The following EDEM3 variants were observed in gnomAD, a reference collection of about 807,000 sequenced individuals.
EDEM3 encodes ER degradation enhancing alpha-mannosidase like protein 3.
Under a neutral mutation model 110.2 loss-of-function variants are expected in EDEM3, and 60 were observed. The ratio of observed to expected loss-of-function variants is 0.54; its 90% CI spans 0.44 to 0.67. EDEM3 has a LOEUF of 0.67. EDEM3 is among the 30% of genes least tolerant of loss of function. The probability of loss-of-function intolerance (pLI) is 0.00; values close to 1 mark genes in which losing one functional copy is unlikely to be tolerated. For missense variants in EDEM3, 996 were observed against 1,121.0 expected (o/e 0.89, Z 1.59); for synonymous variants, 352 against 382.9 (o/e 0.92, Z 0.94).
chr1:184,741,168 TGG>T (rs923425008), intron 2 of EDEM3, among the ~76,000 whole-genome samples: 11 of 152,072 alleles, frequency 7.2e-5, no homozygotes, highest in Admixed American at 6.5e-5. Context: ...GAGGCCAAGG[TGG>T]GTGAGTCACC....
chr1:184,694,337 G>T lies in EDEM3; in HGVS notation c.2525C>A (p.Ser842Tyr). ...QESSEENSLNSHPESLSLADM... is the reference protein window; with the variant it reads ...QESSEENSLNYHPESLSLADM... Reference sequence around the variant, plus strand: ...TGCTAGAGATAATGATTCTGGGTGAGAATTTAGAGAATTTTCCTCAGAAGA... The same window carrying T: ...TGCTAGAGATAATGATTCTGGGTGATAATTTAGAGAATTTTCCTCAGAAGA... The change falls in exon 20 of 20, where the codon TCT becomes TAT. Residue 842 changes from serine to tyrosine, a missense_variant. By Grantham distance (144) the Ser-to-Tyr change is moderately radical. Coordinates refer to ENST00000318130, the MANE Select transcript of EDEM3 (RefSeq NM_025191.4). 2 of 1,612,912 alleles carry T rather than the reference G, an allele frequency of 1.2e-6. No individual in the cohort carries two copies. The highest frequency in any genetic ancestry group is 1.1e-5 in the South Asian group (1 of 91,042).
chr1:184,714,810 A>G (rs1650454248), intron 13 of EDEM3, among the ~76,000 whole-genome samples: 1 of 152,224 alleles, frequency 6.6e-6, no homozygotes, highest in South Asian at 2.1e-4. Context: ...TAAAAAAAAG[A>G]AAACTTGGCT....
intron 19 of EDEM3, among the ~76,000 whole-genome samples, chr1:184,700,466 C>G (rs1289486035): frequency 2.6e-5 from 4 of 151,930 alleles, no homozygotes; most frequent in Non-Finnish European, 5.9e-5. Flanking sequence ...ACAATATGGC[C>G]TGATACATAG....
At chr1:184,707,513 T>A (rs1007140002) in intron 17 of EDEM3, among the ~76,000 whole-genome samples, 1 of 152,186 alleles carries the variant, frequency 6.6e-6, no homozygotes, top group African/African-American at 2.4e-5. Flanking sequence ...AGCTTCTACA[T>A]AGTTTAAAAT....
chr1:184,718,428 C>T (rs1650675451), intron 11 of EDEM3, among the ~76,000 whole-genome samples: 1 of 152,058 alleles, frequency 6.6e-6, no homozygotes, highest in Non-Finnish European at 1.5e-5. Context: ...CTACAATGCA[C>T]AGTCCTACTC....
In EDEM3 at chr1:184,711,636, T is replaced by C. The variant is rs74134138; in HGVS notation, c.1691+87A>G. 5.0e-3 allele frequency: 6,383 copies of C among 1,267,138 alleles called. 223 individuals are homozygous for C. In the African/African-American group the frequency reaches 0.082, roughly 16 times the overall value. The allele number at this position is 1,267,138 out of a possible 1,614,324, so 78.5% of individuals were successfully genotyped here. A position where few individuals can be genotyped will look rare whatever the true frequency, so the allele number is the denominator to read the frequency against. ...ATTTTCGGCCTATGTGAATGTCTTC[T>C]TGGCTGTTGATACATGCTCCCTAAG... On this transcript the variant is annotated intron_variant, in intron 15 of 19. Coordinates refer to ENST00000318130, the MANE Select transcript of EDEM3 (RefSeq NM_025191.4).
intron 1 of EDEM3, among the ~76,000 whole-genome samples, chr1:184,751,388 A>G (rs1652758845): frequency 6.6e-6 from 1 of 152,152 alleles, no homozygotes; most frequent in Non-Finnish European, 1.5e-5. Flanking sequence ...CTAGACATGT[A>G]TATTACAAAT....
At chr1:184,704,675 A>AAAAAAAG (rs1649817751) in intron 18 of EDEM3, among the ~76,000 whole-genome samples, 1 of 147,700 alleles carries the variant, frequency 6.8e-6, no homozygotes, top group African/African-American at 2.6e-5. Flanking sequence ...AAAAAAAAAA[A>AAAAAAAG]AAAAATTTCT....
rs1009765801 is a variant in EDEM3, at chr1:184,701,900, A to AT, written c.2389+910dup. ...TATGCTAGCATGATTATCACCGAAC[A>AT]TTTTTTTTTAAATGTCCCACTTGGA... On this transcript the variant is annotated intron_variant, in intron 19 of 19. Coordinates refer to ENST00000318130, the MANE Select transcript of EDEM3 (RefSeq NM_025191.4). 1.8e-3 allele frequency among the ~76,000 whole-genome samples: 272 copies of AT among 151,496 alleles called. 1 individual carries two copies. The highest frequency in any genetic ancestry group is 6.0e-3 in the African/African-American group (249 of 41,352).
rs1425162640 is a variant in EDEM3 at position 184,696,155 on chromosome 1, T to C, written c.2390-1683A>G. Among the ~76,000 whole-genome samples the C allele has an allele frequency of 3.3e-5, 5 of 151,620 alleles. No individual in the cohort carries two copies. In the East Asian group the frequency reaches 9.7e-4, roughly 29 times the overall value. On this transcript the variant is annotated intron_variant, in intron 19 of 19. Coordinates refer to ENST00000318130, the MANE Select transcript of EDEM3 (RefSeq NM_025191.4). Reference sequence around the variant, plus strand: ...AAAAAAATGAGCCATCAGAGAAGAGTAGAGACAGGGGTCCTCACCACACCC... The same window carrying C: ...AAAAAAATGAGCCATCAGAGAAGAGCAGAGACAGGGGTCCTCACCACACCC...
chr1:184,702,383 A>G (rs1409659201), intron 19 of EDEM3, among the ~76,000 whole-genome samples: 1 of 152,220 alleles, frequency 6.6e-6, no homozygotes, highest in East Asian at 1.9e-4. Context: ...ATTTGATTAT[A>G]GGTGGCCTGT....
At chr1:184,706,062 T>C (rs1046129498) in intron 18 of EDEM3, among the ~76,000 whole-genome samples, 1 of 152,164 alleles carries the variant, frequency 6.6e-6, no homozygotes, top group African/African-American at 2.4e-5. Context: ...AAATTTTATA[T>C]ATCTTTAAAC....
At chr1:184,727,374 A>G (rs1217027298) in intron 6 of EDEM3, among the ~76,000 whole-genome samples, 1 of 152,222 alleles carries the variant, frequency 6.6e-6, no homozygotes, top group African/African-American at 2.4e-5. Context: ...CCAAATAACC[A>G]ACAAAAAAGG....
At chr1:184,722,137 T>C (rs2102090968) in intron 8 of EDEM3, among the ~76,000 whole-genome samples, 1 of 152,188 alleles carries the variant, frequency 6.6e-6, no homozygotes, top group East Asian at 1.9e-4. Flanking sequence ...ACATACATGC[T>C]GGTACGTTAC....
chr1:184,754,171 A>G (rs936827412), intron 1 of EDEM3, among the ~76,000 whole-genome samples: 1 of 152,214 alleles, frequency 6.6e-6, no homozygotes, highest in Admixed American at 6.5e-5. Flanking sequence ...GCAGAACTCC[A>G]GCGCGCAGCG....
chr1:184,747,118 T>C (rs1652474828), intron 2 of EDEM3, among the ~76,000 whole-genome samples: 1 of 151,800 alleles, frequency 6.6e-6, no homozygotes, highest in African/African-American at 2.4e-5. Flanking sequence ...GCACAAGACA[T>C]ATAAAAAAGG....
chr1:184,695,646 A>G (rs1478883812), intron 19 of EDEM3, among the ~76,000 whole-genome samples: 1 of 152,014 alleles, frequency 6.6e-6, no homozygotes, highest in Non-Finnish European at 1.5e-5. Flanking sequence ...TTCTTCTTGA[A>G]TATTTCCTAT....
chr1:184,754,858 C>T lies in EDEM3; in HGVS notation c.-212G>A. 1.3e-6 allele frequency: 1 copy of T among 759,000 alleles called. No individual in the cohort carries two copies. The highest frequency in any genetic ancestry group is 2.0e-6 in the Non-Finnish European group (1 of 506,258). 47.0% of individuals were successfully genotyped at this position (759,000 alleles called of 1,614,324 possible). On this transcript the variant is annotated 5_prime_UTR_variant, in exon 1 of 20. Transcript: ENST00000318130. ...GCCCTCCGCCCTCAGTATCCCGGAG[C>T]GCCTCCCCCAGCTTTCCGGTGTCGT...
chr1:184,731,522 T>C (rs1651514093), intron 6 of EDEM3, among the ~76,000 whole-genome samples: 1 of 152,222 alleles, frequency 6.6e-6, no homozygotes. Context: ...TTTATAATAC[T>C]GTACACTACA....
Sources: allele counts gnomAD v4.1 joint callset (sites outside exome capture counted in the v4.1 genomes callset), GRCh38; gene constraint gnomAD v4.1.1; transcripts MANE v1.5; gene names NCBI Gene and HGNC (gene_info 2026-07-23, HGNC 2026-07-21).